The following ANOS1 variants were observed in gnomAD, a reference collection of about 807,000 sequenced individuals.
ANOS1 encodes the protein anosmin 1, also known as anosmin-1.
A neutral mutation model predicts 59.0 loss-of-function variants in ANOS1; 6 were observed. That is an observed-to-expected ratio of 0.10 (90% CI 0.06 to 0.20). The LOEUF is 0.20. Ranked by LOEUF, ANOS1 falls within the 10% of genes least tolerant of loss-of-function variation. ANOS1 has a pLI of 1.00. For missense variants in ANOS1, 433 were observed against 542.3 expected (o/e 0.80, Z 2.00); for synonymous variants, 217 against 223.4 (o/e 0.97, Z 0.25).
At position 8,620,158 on chromosome X, in the gene ANOS1, A is replaced by G. The variant is rs1430901353; in HGVS notation, c.318+3450T>C. On this transcript the variant is annotated intron_variant, in intron 3 of 13. Coordinates refer to ENST00000262648, the MANE Select transcript of ANOS1 (RefSeq NM_000216.4). ...TTCTATAAAGGGCCAGATATTAGAT[A>G]TTTTCAGCTATAAGGGCCATATAAT... is the stretch of plus-strand genomic sequence containing the variant. 4.5e-5 allele frequency among the ~76,000 whole-genome samples: 5 copies of G among 112,002 alleles called. No individual in the cohort carries two copies. In the East Asian group the frequency reaches 1.4e-3, roughly 32 times the overall value.
rs1467319522 is a variant in ANOS1, at chrX:8,725,653, TATATATATATACAGATATATATATACAG to T, written c.207+6149_207+6176del. 5.5e-4 allele frequency among the ~76,000 whole-genome samples: 16 copies of T among 29,092 alleles called. 2 individuals are homozygous for T. The highest frequency in any genetic ancestry group is 3.3e-3 in the African/African-American group (9 of 2,737). The allele number at this position is 29,092 out of a possible 115,157, so 25.3% of individuals were successfully genotyped here. ...ATATATATACAGATATATATACAGA[TATATATATATACAGATATATATATACAG>T]ATATATATATATACAGATATATATA... On this transcript the variant is annotated intron_variant, in intron 1 of 13. Coordinates refer to ENST00000262648, the MANE Select transcript of ANOS1 (RefSeq NM_000216.4).
Position 8,547,189 on chromosome X carries a change from G to C in ANOS1, c.1354+6763C>G, listed in dbSNP as rs1478363411. The stretch of plus-strand genomic sequence containing the variant: ...CTAAGTCCTGCTCAGAATTTCCCCT[G>C]CTACTTCACATCCCTCTCCTCCATG... On this transcript the variant is annotated intron_variant, in intron 9 of 13. Transcript: ENST00000262648. 4.5e-5 allele frequency among the ~76,000 whole-genome samples: 5 copies of C among 111,256 alleles called. No individual in the cohort carries two copies. The East Asian group carries it at 1.1e-3, about 25-fold the overall frequency.
intron 6 of ANOS1, among the ~76,000 whole-genome samples, chrX:8,578,091 A>G (rs1930359156): frequency 1.8e-5 from 2 of 111,510 alleles, no homozygotes; most frequent in Admixed American, 1.9e-4. Flanking sequence ...TCTACCAATA[A>G]TGTCTATAGA....
At chrX:8,560,243 A>G (rs1930012024) in intron 8 of ANOS1, among the ~76,000 whole-genome samples, 1 of 111,384 alleles carries the variant, frequency 9.0e-6, no homozygotes, top group African/African-American at 3.3e-5. Context: ...AGTTAGCAGT[A>G]TAGGTACATG....
At chrX:8,610,006 C>CAAAAAAA (rs1167209336) in intron 3 of ANOS1, among the ~76,000 whole-genome samples, 16 of 9,155 alleles carry the variant, frequency 1.7e-3, no homozygotes, top group Admixed American at 4.6e-3. Flanking sequence ...GACTCCATCT[C>CAAAAAAA]AAAAAAAAAA....
At chrX:8,640,914 G>A (rs1167635228) in intron 2 of ANOS1, among the ~76,000 whole-genome samples, 4 of 112,078 alleles carry the variant, frequency 3.6e-5, no homozygotes, top group Non-Finnish European at 7.5e-5. Context: ...TAGTTCAAAA[G>A]TAGAGTTGGT....
At chrX:8,566,399 A>G (rs1377436970) in intron 8 of ANOS1, among the ~76,000 whole-genome samples, 1 of 111,373 alleles carries the variant, frequency 9.0e-6, no homozygotes, top group Non-Finnish European at 1.9e-5. Context: ...GTGTTTGTGT[A>G]TATTTGTAGA....
intron 8 of ANOS1, among the ~76,000 whole-genome samples, chrX:8,556,450 A>G (rs1333189299): frequency 1.8e-5 from 2 of 112,198 alleles, no homozygotes; most frequent in Non-Finnish European, 3.8e-5. Context: ...TCAGCCCAAA[A>G]TCTCCTTAAG....
At chrX:8,725,192 T>C (rs2190559) in intron 1 of ANOS1, among the ~76,000 whole-genome samples, 50,925 of 109,805 alleles carry the variant, frequency 0.46, 8,913 homozygotes, top group East Asian at 0.61. Flanking sequence ...CCCAAACCTC[T>C]CTTCCCCCCA....
chrX:8,558,322 T>C (rs1447841796), intron 8 of ANOS1, among the ~76,000 whole-genome samples: 4 of 111,107 alleles, frequency 3.6e-5, no homozygotes, highest in African/African-American at 9.8e-5. Flanking sequence ...CATTATTATA[T>C]AACCTGATAT....
intron 2 of ANOS1, among the ~76,000 whole-genome samples, chrX:8,694,710 A>C (rs5978262): frequency 1.8e-5 from 2 of 111,016 alleles, no homozygotes; most frequent in Non-Finnish European, 3.8e-5. Flanking sequence ...TTAAGATTGG[A>C]CCAACTTAAA....
chrX:8,654,513 C>T (rs1931899543), intron 2 of ANOS1, among the ~76,000 whole-genome samples: 1 of 112,321 alleles, frequency 8.9e-6, no homozygotes, highest in African/African-American at 3.2e-5. Context: ...ACAGATTTTA[C>T]AAACCTCGAT....
intron 11 of ANOS1, among the ~76,000 whole-genome samples, chrX:8,536,321 C>T (rs1929594138): frequency 1.9e-5 from 2 of 104,788 alleles, no homozygotes; most frequent in African/African-American, 6.9e-5. Flanking sequence ...AGGCATGAGC[C>T]GCCATGCCTG....
chrX:8,725,561 T>TACAGATATATATAC, intron 1 of ANOS1, among the ~76,000 whole-genome samples: 1 of 80,159 alleles, frequency 1.2e-5, no homozygotes, highest in South Asian at 5.1e-4. Context: ...GATATATATA[T>TACAGATATATATAC]ACAGATATAC....
intron 2 of ANOS1, among the ~76,000 whole-genome samples, chrX:8,670,254 C>T (rs906741630): frequency 2.7e-5 from 3 of 111,253 alleles, no homozygotes; most frequent in Non-Finnish European, 5.7e-5. Context: ...TGTACCAGAA[C>T]ATTTACAGAA....
At chrX:8,693,115 C>T (rs1932630896) in intron 2 of ANOS1, among the ~76,000 whole-genome samples, 1 of 112,391 alleles carries the variant, frequency 8.9e-6, no homozygotes, top group Non-Finnish European at 1.9e-5. Context: ...CCAAATCATT[C>T]CTAAGTGGGC....
At chrX:8,712,745 T>C (rs1932819612) in intron 1 of ANOS1, among the ~76,000 whole-genome samples, 1 of 112,319 alleles carries the variant, frequency 8.9e-6, no homozygotes, top group Non-Finnish European at 1.9e-5. Context: ...AGAAGGCATT[T>C]GTAATCCATA....
intron 2 of ANOS1, among the ~76,000 whole-genome samples, chrX:8,629,127 T>G (rs973716990): frequency 1.8e-5 from 2 of 111,235 alleles, no homozygotes; most frequent in African/African-American, 6.5e-5. Flanking sequence ...TGTGCACCTG[T>G]AGTCCCAGCT....
intron 2 of ANOS1, among the ~76,000 whole-genome samples, chrX:8,666,523 C>G (rs1219903256): frequency 1.8e-5 from 2 of 111,741 alleles, no homozygotes; most frequent in Non-Finnish European, 3.8e-5. Context: ...GTCATAAAAT[C>G]TGCAACATTG....
Sources: gnomAD v4.1 joint callset for allele counts (sites outside exome capture counted in the v4.1 genomes callset) on GRCh38, gnomAD v4.1.1 for gene constraint, MANE v1.5 for transcripts, NCBI Gene and HGNC (gene_info 2026-07-23, HGNC 2026-07-21) for gene names.